XKR6: variants seen among roughly 807,000 people sequenced by gnomAD.
The protein encoded by XKR6 is XK related 6.
A neutral mutation model predicts 56.7 loss-of-function variants in XKR6; 22 were observed. That is an observed-to-expected ratio of 0.39 (90% CI 0.28 to 0.55). The LOEUF is 0.55. XKR6 is among the 20% of genes least tolerant of loss of function. XKR6 has a pLI of 0.66. For missense variants in XKR6, 852 were observed against 889.0 expected, an observed-to-expected ratio of 0.96 and a Z score of 0.53; for synonymous variants, 524 against 387.8, an observed-to-expected ratio of 1.35 and a Z score of -4.13.
chr8:11,192,211 T>C (rs528539394), intron 1 of XKR6, among the ~76,000 whole-genome samples: 2 of 152,062 alleles, frequency 1.3e-5, no homozygotes, highest in South Asian at 4.2e-4. Context: ...GAGGCTGCAG[T>C]GCAGTGGCAC....
At chr8:10,972,283 A>C (rs1448367528) in intron 1 of XKR6, among the ~76,000 whole-genome samples, 1 of 152,212 alleles carries the variant, frequency 6.6e-6, no homozygotes, top group Non-Finnish European at 1.5e-5. Flanking sequence ...TTGATGTCAG[A>C]CCAGTGTTTC....
At chr8:11,136,128 G>T (rs535547670) in intron 1 of XKR6, among the ~76,000 whole-genome samples, 3 of 152,216 alleles carry the variant, frequency 2.0e-5, no homozygotes, top group African/African-American at 7.2e-5. Context: ...TATCTGCGAG[G>T]CAATAAAAAA....
At chr8:11,131,043 G>C (rs1186557302) in intron 1 of XKR6, among the ~76,000 whole-genome samples, 1 of 152,144 alleles carries the variant, frequency 6.6e-6, no homozygotes, top group African/African-American at 2.4e-5. Context: ...CCCTGTTTTA[G>C]AGATTCTGTC....
At chr8:10,998,544 A>G (rs1191811625) in intron 1 of XKR6, among the ~76,000 whole-genome samples, 1 of 152,184 alleles carries the variant, frequency 6.6e-6, no homozygotes, top group Non-Finnish European at 1.5e-5. Flanking sequence ...ATTTATTAGG[A>G]GTGGTAGAGC....
At chr8:10,997,513 A>G (rs1798141244) in intron 1 of XKR6, among the ~76,000 whole-genome samples, 2 of 152,166 alleles carry the variant, frequency 1.3e-5, no homozygotes, top group Non-Finnish European at 1.5e-5. Flanking sequence ...TGAGATAGCC[A>G]TAGGAAAAAA....
chr8:10,903,747 C>T (rs1800106727), intron 2 of XKR6, among the ~76,000 whole-genome samples: 1 of 152,118 alleles, frequency 6.6e-6, no homozygotes, highest in African/African-American at 2.4e-5. Context: ...GGAGGGAGGC[C>T]TCAGGAGAGA....
intron 1 of XKR6, among the ~76,000 whole-genome samples, chr8:10,980,605 G>C (rs942744037): frequency 3.9e-5 from 6 of 152,184 alleles, no homozygotes; most frequent in Admixed American, 3.9e-4. Context: ...GATTAGGACT[G>C]ATGGATAATG....
At chr8:10,988,744 A>G (rs1156718472) in intron 1 of XKR6, among the ~76,000 whole-genome samples, 1 of 152,226 alleles carries the variant, frequency 6.6e-6, no homozygotes, top group African/African-American at 2.4e-5. Context: ...AAGAAAAGAG[A>G]TCAAAGAGAG....
chr8:11,025,026 T>C (rs1798829769), intron 1 of XKR6, among the ~76,000 whole-genome samples: 1 of 152,226 alleles, frequency 6.6e-6, no homozygotes, highest in African/African-American at 2.4e-5. Flanking sequence ...TGCAGTCTGA[T>C]TGATCCAGGA....
At chr8:10,984,313 T>A (rs1039808751) in intron 1 of XKR6, among the ~76,000 whole-genome samples, 4 of 152,214 alleles carry the variant, frequency 2.6e-5, no homozygotes, top group African/African-American at 9.6e-5. Flanking sequence ...AATTCTTACA[T>A]GGATACACAA....
At position 11,072,185 on chromosome 8, in the gene XKR6, C is replaced by T. The variant is rs372935362; in HGVS notation, c.764+128391G>A. Among the ~76,000 whole-genome samples the T allele has an allele frequency of 8.9e-4, 136 of 152,266 alleles. 9 individuals are homozygous for T. The South Asian group carries it at 0.028, about 31-fold the overall frequency. On this transcript the variant is annotated intron_variant, in intron 1 of 2. Coordinates refer to ENST00000416569, the MANE Select transcript of XKR6 (RefSeq NM_173683.4). ...AATACCGTCCTCTCAGCTCCACCCCCTCTCTGTTTTGATAAGGTCTGCTGG... is the reference window on the plus strand; with the variant it reads ...AATACCGTCCTCTCAGCTCCACCCCTTCTCTGTTTTGATAAGGTCTGCTGG...
chr8:11,200,021 T>C lies in XKR6; in HGVS notation c.764+555A>G, dbSNP rs1209692414. 1.4e-5 allele frequency among the ~76,000 whole-genome samples: 2 copies of C among 147,968 alleles called. No homozygotes were observed. Among genetic ancestry groups the C allele is most frequent in the East Asian group, 3.9e-4 (2 of 5,084 alleles). On this transcript the variant is annotated intron_variant, in intron 1 of 2. Coordinates refer to ENST00000416569, the MANE Select transcript of XKR6 (RefSeq NM_173683.4). The surrounding 1 kb of genome is among the most constrained non-coding windows in gnomAD (Gnocchi z 6.4). The stretch of plus-strand genomic sequence containing the variant: ...CTTCTGGGAAAGCAGTGGTTTGGAG[T>C]CATTCACAGGGGCTGGGAGTGCAGG...
Position 11,070,065 on chromosome 8 carries a change from T to C in XKR6, c.764+130511A>G, listed in dbSNP as rs76520355. 9.3e-3 allele frequency among the ~76,000 whole-genome samples: 1,418 copies of C among 152,280 alleles called. 23 individuals are homozygous for C. Among genetic ancestry groups the C allele is most frequent in the African/African-American group, 0.032 (1,343 of 41,568 alleles). ...AATTAAGCAGAACTCTTCCTTCCCC[T>C]GGCCCCACAGTTTTGGCTTCTGGGT... On this transcript the variant is annotated intron_variant, in intron 1 of 2. Transcript: ENST00000416569.
At chr8:10,984,730 C>CTATATATATATATATA (rs1292575640) in intron 1 of XKR6, among the ~76,000 whole-genome samples, 41 of 63,656 alleles carry the variant, frequency 6.4e-4, no homozygotes, top group African/African-American at 2.1e-3. Context: ...CTCTCTCTCT[C>CTATATATATATATATA]TCTATATATA....
intron 1 of XKR6, among the ~76,000 whole-genome samples, chr8:11,151,185 T>G (rs1275875016): frequency 6.6e-6 from 1 of 152,166 alleles, no homozygotes; most frequent in Non-Finnish European, 1.5e-5. Flanking sequence ...ATTTGGAAAA[T>G]AATAATTTTT....
chr8:10,951,310 G>GGGC (rs1801716971), intron 1 of XKR6, among the ~76,000 whole-genome samples: 1 of 103,812 alleles, frequency 9.6e-6, no homozygotes, highest in Non-Finnish European at 2.3e-5. Flanking sequence ...GGGGGGGGGG[G>GGGC]CCCCCACAGT....
At chr8:11,190,463 G>A (rs954627307) in intron 1 of XKR6, among the ~76,000 whole-genome samples, 13 of 152,232 alleles carry the variant, frequency 8.5e-5, no homozygotes, top group Non-Finnish European at 8.8e-5. Flanking sequence ...GGGTTGTAAG[G>A]TGCATCTACC....
intron 1 of XKR6, among the ~76,000 whole-genome samples, chr8:11,189,176 G>A (rs1163188182): frequency 1.3e-5 from 2 of 152,052 alleles, no homozygotes; most frequent in African/African-American, 4.8e-5. Context: ...CCTTGGCACT[G>A]ATTACAACAA....
At chr8:11,093,435 A>G (rs1371396846) in intron 1 of XKR6, among the ~76,000 whole-genome samples, 2 of 152,224 alleles carry the variant, frequency 1.3e-5, no homozygotes, top group Non-Finnish European at 2.9e-5. Flanking sequence ...GCTATGCAAG[A>G]AAAACTTTTC....
Sources: gnomAD v4.1 joint callset for allele counts (sites outside exome capture counted in the v4.1 genomes callset) on GRCh38, gnomAD v4.1.1 for gene constraint, Gnocchi (gnomAD v3.1) non-coding constraint, MANE v1.5 for transcripts, NCBI Gene and HGNC (gene_info 2026-07-23, HGNC 2026-07-21) for gene names.